Variants in RBSN observed in about 807,000 individuals in gnomAD.
RBSN encodes the protein rabenosyn-5.
Under a neutral mutation model 60.5 loss-of-function variants are expected in RBSN, and 34 were observed. The ratio of observed to expected loss-of-function variants is 0.56; its 90% confidence interval spans 0.43 to 0.75. The LOEUF (loss-of-function observed/expected upper bound fraction) is 0.75. Among genes scored for constraint, RBSN ranks in the 30% least tolerant of loss-of-function variants. The probability of loss-of-function intolerance (pLI) is 0.00; values close to 1 mark genes in which losing one functional copy is unlikely to be tolerated. For synonymous variants in RBSN, 322 were observed against 366.9 expected (o/e 0.88, Z 1.40); for missense variants, 845 against 986.8 (o/e 0.86, Z 1.92).
rs143375802 is a variant in RBSN, at chr3:15,080,445, A to G, written c.911+287T>C. Among the ~76,000 whole-genome samples, 364 of 152,136 alleles carry G rather than the reference A, an allele frequency of 2.4e-3. 1 individual carries two copies. Among genetic ancestry groups the G allele is most frequent in the Non-Finnish European group, 3.5e-3 (236 of 67,992 alleles). On this transcript the variant is annotated intron_variant, in intron 10 of 13. Coordinates refer to ENST00000253699, the MANE Select transcript of RBSN (RefSeq NM_022340.4). ...GATGCTGCACTCAGCAGCAGTACCT[A>G]TTGTCTGAGGCCCTTCCCAAACCTG...
chr3:15,084,652 T>C lies in RBSN; in HGVS notation c.598+83A>G. 1 of 1,472,870 alleles carries C rather than the reference T, an allele frequency of 6.8e-7. No individual in the cohort carries two copies. The highest frequency in any genetic ancestry group is 2.4e-5 in the Admixed American group (1 of 42,330). 91.2% of individuals were successfully genotyped at this position (1,472,870 alleles called of 1,614,324 possible). On this transcript the variant is annotated intron_variant, in intron 8 of 13. Transcript: ENST00000253699. This position sits in a 1 kb window ranked among gnomAD's most constrained non-coding sequence, Gnocchi z 4.2. ...ATGAGCCATTAATTTAACAAAAAGG[T>C]TCCACGATCCCAGTGGTAATTAGCA...
chr3:15,078,325 T>C (rs1026497630), intron 10 of RBSN, among the ~76,000 whole-genome samples, 164 bp from the exon 11 acceptor site: 7 of 152,184 alleles, frequency 4.6e-5, no homozygotes, highest in Non-Finnish European at 8.8e-5. Flanking sequence ...TTGGAATGAA[T>C]GAATCAAGTG....
Position 15,084,889 on chromosome 3 carries a change from T to C in RBSN, c.444A>G (p.Glu148=), listed in dbSNP as rs745764827. The change falls in exon 8 of 14, where the codon GAA becomes GAG. Residue 148 remains glutamate, a synonymous_variant. Transcript: ENST00000253699. The surrounding 1 kb of genome is among the most constrained non-coding windows in gnomAD (Gnocchi z 4.2). ...CGTTGACCCAAGGCACCACAGACTT[T>C]TCTATTGCTTTGGGAAGAGCAAACC... ...NTESAKIRAI[E]KSVVPWVNDQ... The C allele has an allele frequency of 2.5e-6, 4 of 1,613,548 alleles. No homozygotes were observed. In the South Asian group the frequency reaches 3.3e-5, roughly 13 times the overall value.
rs1366696451 is a variant in RBSN at position 15,072,327 on chromosome 3, G to A, written c.*1455C>T. ...ATATCACTTGAACCAGGGAGGTGGAGGTTGCAGTGAGCTGAGATCATGCCA... is the reference window on the plus strand; with the variant it reads ...ATATCACTTGAACCAGGGAGGTGGAAGTTGCAGTGAGCTGAGATCATGCCA... On this transcript the variant is annotated 3_prime_UTR_variant, in exon 14 of 14. Transcript: ENST00000253699. The A allele has an allele frequency of 6.6e-6, 1 of 152,236 alleles. No individual in the cohort carries two copies. Among genetic ancestry groups the A allele is most frequent in the African/African-American group, 2.4e-5 (1 of 41,460 alleles). 9.4% of individuals were successfully genotyped at this position (152,236 alleles called of 1,614,324 possible).
rs1228574842 is a variant in RBSN, at chr3:15,095,993, T to C, written c.128A>G (p.Asp43Gly). ...YEEEHSGEDR[D>G]VKGQIKSLVQ... ...CTTACTTTTAATTTGCCCTTTGACA[T>C]CACGGTCTTCCCCTGAGTGTTCTTC... Residue 43 changes from aspartate (D) to glycine (G), a missense_variant, in exon 4 of 14, where the codon GAT becomes GGT. Asp to Gly is a moderately conservative substitution (Grantham distance 94). Transcript: ENST00000253699. 1 of 1,614,230 alleles carries C rather than the reference T, an allele frequency of 6.2e-7. No homozygotes were observed.
chr3:15,080,812 AAAAC>A lies in RBSN; in HGVS notation c.841-14_841-11del. 8 of 1,613,700 alleles carry A rather than the reference AAAAC, an allele frequency of 5.0e-6. No homozygotes were observed. The highest frequency in any genetic ancestry group is 1.7e-4 in the Middle Eastern group (1 of 6,060). ...TGCAAAGTCGTAATTTCTAAGAACA[AAAAC>A]AAAGAGGTAAGTGGTATGCTCAAGA... On this transcript the variant is annotated splice_polypyrimidine_tract_variant and intron_variant, in intron 9 of 13. Transcript: ENST00000253699.
chr3:15,076,141 G>C (rs962100012), intron 12 of RBSN, among the ~76,000 whole-genome samples: 4 of 151,982 alleles, frequency 2.6e-5, no homozygotes, highest in Admixed American at 2.6e-4. Context: ...CAGGAACGTT[G>C]GTCTTTTTTG....
rs1047102918 is a variant in RBSN at position 15,082,884 on chromosome 3, G to C, written c.599-276C>G. ...CAACACAACAAACATTCTCCCAGGAGACTTTCCTCCACAGCCTTCTCCCTA... is the reference window on the plus strand; with the variant it reads ...CAACACAACAAACATTCTCCCAGGACACTTTCCTCCACAGCCTTCTCCCTA... On this transcript the variant is annotated intron_variant, in intron 8 of 13. Transcript: ENST00000253699. The surrounding 1 kb of genome is among the most constrained non-coding windows in gnomAD (Gnocchi z 4.2). Among the ~76,000 whole-genome samples the C allele has an allele frequency of 2.6e-5, 4 of 152,134 alleles. No individual in the cohort carries two copies. Among genetic ancestry groups the C allele is most frequent in the African/African-American group, 9.7e-5 (4 of 41,406 alleles).
At chr3:15,090,617 A>G in intron 4 of RBSN, 78 bp from the exon 5 acceptor site, 1 of 1,539,430 alleles carries the variant, frequency 6.5e-7, no homozygotes, top group East Asian at 2.3e-5. Flanking sequence ...TCAAAAAACA[A>G]GAGTTGACGA....
intron 4 of RBSN, among the ~76,000 whole-genome samples, chr3:15,092,955 T>TA (rs970620615): frequency 5.3e-5 from 8 of 152,146 alleles, no homozygotes; most frequent in African/African-American, 1.9e-4. Context: ...CCATATATTT[T>TA]AAAAAACACT....
In RBSN at chr3:15,085,055, A is replaced by G; in HGVS notation, c.391-10T>C. ...TGTCAAATGCAGTGAGCTGACCGGAAGAAAATAGTGCCAAATGAAATTAAC... is the reference window on the plus strand; with the variant it reads ...TGTCAAATGCAGTGAGCTGACCGGAGGAAAATAGTGCCAAATGAAATTAAC... On this transcript the variant is annotated splice_polypyrimidine_tract_variant and intron_variant, in intron 6 of 13. Transcript: ENST00000253699. 1 of 1,614,214 alleles carries G rather than the reference A, an allele frequency of 6.2e-7. No homozygotes were observed. Among genetic ancestry groups the G allele is most frequent in the South Asian group, 1.1e-5 (1 of 91,078 alleles).
chr3:15,097,518 A>G (rs1296575591), intron 2 of RBSN, among the ~76,000 whole-genome samples: 1 of 150,616 alleles, frequency 6.6e-6, no homozygotes. Context: ...TCCATCTCAA[A>G]AAAGTAAATA....
chr3:15,088,384 T>G (rs1460740378), intron 5 of RBSN, among the ~76,000 whole-genome samples: 1 of 139,732 alleles, frequency 7.2e-6, no homozygotes, highest in Non-Finnish European at 1.6e-5. Context: ...GTATTATTAT[T>G]ATTTTTTTTT....
chr3:15,075,443 T>A (rs2043029676), intron 13 of RBSN, 163 bp downstream of exon 13: 1 of 719,428 alleles, frequency 1.4e-6, no homozygotes, highest in Non-Finnish European at 2.5e-6. Flanking sequence ...ATTATTCTAG[T>A]TCCCATAGAT....
At chr3:15,095,441 C>G (rs759947267) in intron 4 of RBSN, among the ~76,000 whole-genome samples, 2 of 152,210 alleles carry the variant, frequency 1.3e-5, no homozygotes, top group Non-Finnish European at 2.9e-5. Context: ...AACCTGAGCT[C>G]TTGGAAGCTC....
intron 4 of RBSN, chr3:15,091,606 G>A (rs994263274): frequency 3.1e-6 from 2 of 636,086 alleles, no homozygotes; most frequent in Non-Finnish European, 2.2e-6. Context: ...AATACATTAT[G>A]CCAGTTCATG....
Position 15,074,361 on chromosome 3 carries a change from G to T in RBSN, c.1776C>A (p.Ser592Arg). ...ACCACACTCTGGTGGGTTGAGTTGA[G>T]CTAAGTGAAGGGGTCTTGGGAGCTG... ...SSTAPKTPSL[S>R]STQPTRVWSG... The change falls in exon 14 of 14, where the codon AGC becomes AGA. Residue 592 changes from serine to arginine, a missense_variant. Transcript: ENST00000253699. The surrounding 1 kb of genome is among the most constrained non-coding windows in gnomAD (Gnocchi z 6.4). 1 of 1,614,142 alleles carries T rather than the reference G, an allele frequency of 6.2e-7. No individual in the cohort carries two copies. Among genetic ancestry groups the T allele is most frequent in the Non-Finnish European group, 8.5e-7 (1 of 1,180,008 alleles).
chr3:15,094,509 G>A (rs1575109497), intron 4 of RBSN, among the ~76,000 whole-genome samples: 1 of 152,162 alleles, frequency 6.6e-6, no homozygotes, highest in East Asian at 1.9e-4. Flanking sequence ...CTTACTATCT[G>A]TAAAATGAGA....
chr3:15,075,783 G>T, intron 12 of RBSN, 73 bp from the exon 13 acceptor site: 1 of 1,256,878 alleles, frequency 8.0e-7, no homozygotes. Flanking sequence ...CCCATGATGA[G>T]AGTCTGCTTA....
Sources: allele counts gnomAD v4.1 joint callset (sites outside exome capture counted in the v4.1 genomes callset), GRCh38; gene constraint gnomAD v4.1.1; non-coding constraint Gnocchi (gnomAD v3.1); transcripts MANE v1.5; gene names NCBI Gene and HGNC (gene_info 2026-07-23, HGNC 2026-07-21).